MERTK: variants seen among roughly 807,000 people sequenced by gnomAD.
MERTK encodes the protein MER proto-oncogene, tyrosine kinase.
MERTK carries 69 observed loss-of-function variants against 99.3 expected under a neutral mutation model. That is an observed-to-expected ratio of 0.70 (90% CI 0.57 to 0.85). MERTK has a LOEUF of 0.85. Ranked by LOEUF, MERTK falls within the 40% of genes least tolerant of loss-of-function variation. The probability of loss-of-function intolerance (pLI) is 0.00; values close to 1 mark genes in which losing one functional copy is unlikely to be tolerated. For synonymous variants in MERTK, 426 were observed against 467.6 expected (o/e 0.91, Z 1.15); for missense variants, 1,125 against 1,249.4 (o/e 0.90, Z 1.50).
chr2:112,020,661 C>T (rs1037260886), intron 16 of MERTK: 1 of 470,958 alleles, frequency 2.1e-6, no homozygotes, highest in Non-Finnish European at 4.4e-6. Context: ...GCAGGTAATT[C>T]CCCATCTTCC....
At chr2:111,995,477 T>C (rs1014270118) in intron 9 of MERTK, 1 of 188,368 alleles carries the variant, frequency 5.3e-6, no homozygotes, top group African/African-American at 2.4e-5. Context: ...AGACAGAACT[T>C]GTGAGCAAAT....
At chr2:111,945,205 T>C in intron 3 of MERTK, 145 bp downstream of exon 3, 1 of 679,074 alleles carries the variant, frequency 1.5e-6, no homozygotes, top group Non-Finnish European at 2.7e-6. Context: ...GCACTGAAAT[T>C]TTACAAGGTA....
chr2:111,966,099 A>G (rs1054991351), intron 5 of MERTK, among the ~76,000 whole-genome samples: 1 of 152,218 alleles, frequency 6.6e-6, no homozygotes, highest in Admixed American at 6.5e-5. Context: ...ATAGAAATTC[A>G]AGCAAATTTT....
intron 15 of MERTK, among the ~76,000 whole-genome samples, chr2:112,015,149 T>C (rs143011386): frequency 1.1e-4 from 17 of 152,344 alleles, no homozygotes; most frequent in African/African-American, 2.9e-4. Flanking sequence ...ATAAAATTCA[T>C]GTACAGATTT....
At chr2:111,940,209 T>C (rs1337789383) in intron 2 of MERTK, 5 of 209,220 alleles carry the variant, frequency 2.4e-5, no homozygotes. Flanking sequence ...CCCGAGAATG[T>C]GATATATTGA....
chr2:112,016,301 A>G (rs1677214807), intron 15 of MERTK, among the ~76,000 whole-genome samples: 1 of 152,226 alleles, frequency 6.6e-6, no homozygotes, highest in South Asian at 2.1e-4. Context: ...AAAAAAATAC[A>G]AGTGTATTTT....
At chr2:111,989,382 A>T (rs1163769887) in intron 8 of MERTK, among the ~76,000 whole-genome samples, 1 of 147,194 alleles carries the variant, frequency 6.8e-6, no homozygotes, top group African/African-American at 2.5e-5. Flanking sequence ...TTTCAGACAG[A>T]GTCTCGCTCT....
intron 8 of MERTK, among the ~76,000 whole-genome samples, chr2:111,989,873 T>A (rs1250527278): frequency 6.6e-6 from 1 of 152,240 alleles, no homozygotes; most frequent in Admixed American, 6.5e-5. Flanking sequence ...ATTATAAATC[T>A]GATTTTATTA....
rs373670846 is a variant in MERTK at position 111,959,072 on chromosome 2, T to A, written c.758-6119T>A. On this transcript the variant is annotated intron_variant, in intron 4 of 18. Coordinates refer to ENST00000295408, the MANE Select transcript of MERTK (RefSeq NM_006343.3). ...GAGCCAAGGCCAATTTTTCTAAATA[T>A]AAGCCAGGTTTTGCAAGTTCATGCA... is the stretch of plus-strand genomic sequence containing the variant. 2.4e-4 allele frequency among the ~76,000 whole-genome samples: 37 copies of A among 152,222 alleles called. No individual in the cohort carries two copies. In the Middle Eastern group the frequency reaches 0.024, roughly 98 times the overall value.
At chr2:111,994,701 C>A in intron 9 of MERTK, 2 of 417,196 alleles carry the variant, frequency 4.8e-6, no homozygotes, top group Non-Finnish European at 9.2e-6. Context: ...AGTGCTTGAA[C>A]CCAGGAGGCA....
chr2:112,009,168 T>G (rs898551242), intron 14 of MERTK, among the ~76,000 whole-genome samples: 2 of 152,250 alleles, frequency 1.3e-5, no homozygotes, highest in Non-Finnish European at 1.5e-5. Flanking sequence ...TCTTTTGGGA[T>G]CTTTCAAAGT....
chr2:111,945,995 T>C (rs1419490365), intron 3 of MERTK, among the ~76,000 whole-genome samples: 1 of 152,216 alleles, frequency 6.6e-6, no homozygotes, highest in Non-Finnish European at 1.5e-5. Flanking sequence ...CATCTCCCAC[T>C]GAAAGTCTGC....
intron 1 of MERTK, among the ~76,000 whole-genome samples, chr2:111,899,990 AAAAG>A (rs1356791137): frequency 1.3e-5 from 2 of 152,152 alleles, no homozygotes; most frequent in African/African-American, 2.4e-5. Context: ...ACCCAAAAGA[AAAAG>A]AAAGGGGAAA....
intron 8 of MERTK, among the ~76,000 whole-genome samples, chr2:111,986,409 T>A (rs536298064): frequency 6.6e-6 from 1 of 152,372 alleles, no homozygotes; most frequent in Non-Finnish European, 1.5e-5. Context: ...AGGAATTTTA[T>A]CTTTCTCTAT....
At chr2:111,982,474 C>G (rs1418828571) in intron 7 of MERTK, among the ~76,000 whole-genome samples, 1 of 152,196 alleles carries the variant, frequency 6.6e-6, no homozygotes, top group African/African-American at 2.4e-5. Flanking sequence ...CCTCAATCTC[C>G]TGGGCTCAAG....
intron 2 of MERTK, among the ~76,000 whole-genome samples, chr2:111,936,853 A>G (rs2104694418): frequency 6.6e-6 from 1 of 152,194 alleles, no homozygotes; most frequent in South Asian, 2.1e-4. Context: ...GTAATTTGGG[A>G]TATATATTAT....
chr2:111,957,543 G>A (rs1685172599), intron 4 of MERTK, among the ~76,000 whole-genome samples: 1 of 151,944 alleles, frequency 6.6e-6, no homozygotes, highest in Admixed American at 6.6e-5. Flanking sequence ...TTTTTCCATA[G>A]TACTTATCAC....
chr2:111,944,626 G>T (rs1299545834), intron 2 of MERTK, among the ~76,000 whole-genome samples: 1 of 1,876 alleles, frequency 5.3e-4, no homozygotes, highest in Non-Finnish European at 7.1e-4. Flanking sequence ...TGAGTCCTCA[G>T]GCAGTTTGGA....
At position 111,969,987 on chromosome 2, in the gene MERTK, T is replaced by G. The variant is rs368842088; in HGVS notation, c.960+1735T>G. 6.4e-3 allele frequency among the ~76,000 whole-genome samples: 967 copies of G among 151,322 alleles called. 13 individuals are homozygous for G. Among genetic ancestry groups the G allele is most frequent in the African/African-American group, 0.023 (932 of 41,286 alleles). ...ATTACAGGCGTGAGCCACCGCGCCCTGCCCAGCCTTTCTTAATTCTTGCTC... is the reference window on the plus strand; with the variant it reads ...ATTACAGGCGTGAGCCACCGCGCCCGGCCCAGCCTTTCTTAATTCTTGCTC... On this transcript the variant is annotated intron_variant, in intron 6 of 18. Coordinates refer to ENST00000295408, the MANE Select transcript of MERTK (RefSeq NM_006343.3).
Sources: gnomAD v4.1 joint callset for allele counts (sites outside exome capture counted in the v4.1 genomes callset) on GRCh38, gnomAD v4.1.1 for gene constraint, MANE v1.5 for transcripts, NCBI Gene and HGNC (gene_info 2026-07-23, HGNC 2026-07-21) for gene names.